The following TMEM230 variants were observed in gnomAD, a reference collection of about 807,000 sequenced individuals.
TMEM230 encodes the protein UPF0414 transmembrane protein C20orf30.
In TMEM230, 10 loss-of-function variants were observed where a neutral mutation model predicts 15.8. The ratio of observed to expected loss-of-function variants is 0.63; its 90% confidence interval spans 0.39 to 1.07. TMEM230 has a LOEUF of 1.07. Ranked by LOEUF, TMEM230 falls within the 50% of genes least tolerant of loss-of-function variation. TMEM230 has a pLI of 0.01. For missense variants in TMEM230, 165 were observed against 193.3 expected (o/e 0.85, Z 0.87); for synonymous variants, 67 against 76.9 (o/e 0.87, Z 0.68).
chr20:5,067,439 ATATATATATATATATATATATT>A (rs1372951951), downstream of TMEM230: 15 of 37,540 alleles, frequency 4.0e-4, no homozygotes, highest in African/African-American at 7.7e-4. Context: ...ATATATATAT[ATATATATATATATATATATATT>A]TTAAGACAGT....
At chr20:5,090,020 A>C (rs1291460106) in intron 3 of TMEM230, among the ~76,000 whole-genome samples, 1 of 152,000 alleles carries the variant, frequency 6.6e-6, no homozygotes, top group East Asian at 1.9e-4. Flanking sequence ...CTCAAAAAAG[A>C]AAAGAAAAGA....
Position 5,083,073 on chromosome 20 carries a change from G to A in TMEM230, c.223-13724C>T, listed in dbSNP as rs34932868. ...CTCAAGAGTAGCTGGGATTACAGGC[G>A]TGCACCACCACAACTGGCTAATTTT... On this transcript the variant is annotated intron_variant, in intron 3 of 3. Transcript: ENST00000612323. Among the ~76,000 whole-genome samples the A allele has an allele frequency of 7.5e-3, 1,144 of 151,804 alleles. 10 individuals carry two copies. The highest frequency in any genetic ancestry group is 0.048 in the Middle Eastern group (14 of 294).
intron 3 of TMEM230, among the ~76,000 whole-genome samples, chr20:5,079,829 A>T (rs2089126388): frequency 6.6e-6 from 1 of 152,102 alleles, no homozygotes; most frequent in South Asian, 2.1e-4. Context: ...ATCCTGGCTC[A>T]CTGCAACCTC....
rs2089802422 is a variant in TMEM230, at chr20:5,100,313, C to T, written c.*478G>A. On this transcript the variant is annotated 3_prime_UTR_variant, in exon 5 of 5. Transcript: ENST00000342308. Reference sequence around the variant, plus strand: ...AAAAAAAATATTACAGATGAACTCACTGATCTTTGATTTTACTAAGGTCTT... The same window carrying T: ...AAAAAAAATATTACAGATGAACTCATTGATCTTTGATTTTACTAAGGTCTT... 19 of 985,506 alleles carry T rather than the reference C, an allele frequency of 1.9e-5. No homozygotes were observed. Among genetic ancestry groups the T allele is most frequent in the Non-Finnish European group, 2.3e-5 (19 of 830,006 alleles). 61.0% of individuals were successfully genotyped at this position (985,506 alleles called of 1,614,324 possible). A position where few individuals can be genotyped will look rare whatever the true frequency, so the allele number is the denominator to read the frequency against.
intron 3 of TMEM230, among the ~76,000 whole-genome samples, chr20:5,089,999 G>A (rs1034019186): frequency 2.0e-5 from 3 of 152,046 alleles, no homozygotes; most frequent in African/African-American, 7.2e-5. Context: ...CTGGGTGGCA[G>A]AAGACTCCAT....
intron 3 of TMEM230, among the ~76,000 whole-genome samples, chr20:5,076,431 C>A (rs1004949161): frequency 3.3e-5 from 5 of 151,844 alleles, no homozygotes; most frequent in African/African-American, 9.7e-5. Context: ...ATCCCAGCTA[C>A]TCGGGAGGCT....
At chr20:5,078,765 G>A (rs749150090) in intron 3 of TMEM230, among the ~76,000 whole-genome samples, 1 of 152,170 alleles carries the variant, frequency 6.6e-6, no homozygotes, top group African/African-American at 2.4e-5. Flanking sequence ...CCAAACATGA[G>A]CCCACAGAAC....
chr20:5,091,314 G>A (rs1180151218), intron 3 of TMEM230, among the ~76,000 whole-genome samples: 1 of 152,152 alleles, frequency 6.6e-6, no homozygotes, highest in Admixed American at 6.6e-5. Flanking sequence ...CGGTTCAAGT[G>A]ATTCTCCTGC....
intron 3 of TMEM230, among the ~76,000 whole-genome samples, chr20:5,106,750 G>A (rs1045857323): frequency 2.6e-5 from 4 of 152,116 alleles, no homozygotes; most frequent in Admixed American, 6.5e-5. Context: ...CTATCACCCA[G>A]GCTGGAGTGC....
rs762181865 is a variant in TMEM230, at chr20:5,100,882, A to T, written c.461T>A (p.Leu154Gln). 6.2e-7 allele frequency: 1 copy of T among 1,614,110 alleles called. No homozygotes were observed. The highest frequency in any genetic ancestry group is 8.5e-7 in the Non-Finnish European group (1 of 1,180,040). ...GATGCGCAGGTGGTAAAATCCGGGT[A>T]GGAACACCAGAATGCCAATGATCAG... is the stretch of plus-strand genomic sequence containing the variant. Residue 154 changes from leucine to glutamine, a missense_variant, in exon 5 of 5, where the codon CTA becomes CAA. By Grantham distance (113) the Leu-to-Gln change is moderately radical. Transcript: ENST00000342308.
chr20:5,082,222 T>TTC (rs1228445902), intron 3 of TMEM230, among the ~76,000 whole-genome samples: 1 of 120,378 alleles, frequency 8.3e-6, no homozygotes, highest in African/African-American at 2.7e-5. Flanking sequence ...AAAGCCTTGT[T>TTC]TCTCTCTCTC....
chr20:5,098,649 C>G (rs2089736930), downstream of TMEM230, among the ~76,000 whole-genome samples: 1 of 152,118 alleles, frequency 6.6e-6, no homozygotes, highest in Non-Finnish European at 1.5e-5. Context: ...TCAGGGGACT[C>G]TGGAGGAGAT....
At chr20:5,110,062 T>C (rs1337335856) in intron 2 of TMEM230, among the ~76,000 whole-genome samples, 1 of 152,114 alleles carries the variant, frequency 6.6e-6, no homozygotes, top group Non-Finnish European at 1.5e-5. Context: ...TTGTTGTTTG[T>C]TTGTATTTTT....
intron 3 of TMEM230, among the ~76,000 whole-genome samples, chr20:5,091,989 A>T (rs1158663896): frequency 6.6e-6 from 1 of 152,186 alleles, no homozygotes; most frequent in Non-Finnish European, 1.5e-5. Context: ...TTTTGTTCCC[A>T]AAGTACTCTC....
At chr20:5,067,393 T>TC (rs1188821755), downstream of TMEM230, 5 of 137,334 alleles carry the variant, frequency 3.6e-5, no homozygotes, top group Non-Finnish European at 7.7e-5. Flanking sequence ...TGCCACAATG[T>TC]CAACAGTGTT....
chr20:5,080,926 A>G (rs1435242772), intron 3 of TMEM230, among the ~76,000 whole-genome samples: 1 of 152,222 alleles, frequency 6.6e-6, no homozygotes, highest in Non-Finnish European at 1.5e-5. Flanking sequence ...CTGCTGATCC[A>G]TGAACTGTCT....
downstream of TMEM230, among the ~76,000 whole-genome samples, chr20:5,099,171 G>A (rs1205623269): frequency 1.3e-5 from 2 of 151,344 alleles, no homozygotes; most frequent in Non-Finnish European, 2.9e-5. Context: ...AGCCTGGGCA[G>A]TAGAGCAAGA....
At chr20:5,069,153 T>C in exon 4 of TMEM230, 1 of 1,497,232 alleles carries the variant, frequency 6.7e-7, no homozygotes, top group Non-Finnish European at 8.9e-7. Context: ...GTTTAGCCCT[T>C]TTAAGATGCT....
intron 3 of TMEM230, among the ~76,000 whole-genome samples, chr20:5,094,704 CAAAAAAAAA>C (rs774664710): frequency 2.3e-4 from 14 of 61,598 alleles, no homozygotes; most frequent in African/African-American, 5.6e-4. Flanking sequence ...GACTCCATCT[CAAAAAAAAA>C]AAAAAAAAAA....
Sources: allele counts gnomAD v4.1 joint callset (sites outside exome capture counted in the v4.1 genomes callset), GRCh38; gene constraint gnomAD v4.1.1; transcripts MANE v1.5; gene names NCBI Gene and HGNC (gene_info 2026-07-23, HGNC 2026-07-21).